Variants in SOX6 observed in about 807,000 individuals in gnomAD.
SOX6 encodes the protein transcription factor SOX-6.
Under a neutral mutation model 97.8 loss-of-function variants are expected in SOX6, and 11 were observed. That is an observed-to-expected ratio of 0.11 (90% CI 0.07 to 0.19). The LOEUF (loss-of-function observed/expected upper bound fraction) is 0.19. Among genes scored for constraint, SOX6 ranks in the 10% least tolerant of loss-of-function variants. The probability of loss-of-function intolerance (pLI) is 1.00; values close to 1 mark genes in which losing one functional copy is unlikely to be tolerated. For missense variants in SOX6, 810 were observed against 1,039.5 expected (o/e 0.78, Z 3.04); for synonymous variants, 360 against 371.4 (o/e 0.97, Z 0.35).
chr11:16,153,502 A>G (rs929049951), intron 6 of SOX6, among the ~76,000 whole-genome samples: 1 of 152,162 alleles, frequency 6.6e-6, no homozygotes, highest in African/African-American at 2.4e-5. Context: ...TTAGACAAAT[A>G]AATAAAAGAT....
chr11:16,326,289 T>C (rs1317192046), intron 2 of SOX6, among the ~76,000 whole-genome samples: 1 of 152,092 alleles, frequency 6.6e-6, no homozygotes, highest in African/African-American at 2.4e-5. Context: ...TCCAGACCCT[T>C]CATCATCCTC....
intron 4 of SOX6, among the ~76,000 whole-genome samples, chr11:16,600,348 G>A (rs1013789200): frequency 2.0e-5 from 3 of 152,144 alleles, no homozygotes; most frequent in Non-Finnish European, 4.4e-5. Context: ...TTTTTACTAA[G>A]CATGGTATCA....
At chr11:16,597,084 C>T (rs962934359) in intron 4 of SOX6, among the ~76,000 whole-genome samples, 1 of 152,078 alleles carries the variant, frequency 6.6e-6, no homozygotes, top group Non-Finnish European at 1.5e-5. Context: ...AACATTGATT[C>T]ACATCAAGTA....
chr11:16,259,069 T>C (rs949013617), intron 3 of SOX6, among the ~76,000 whole-genome samples: 4 of 151,874 alleles, frequency 2.6e-5, no homozygotes, highest in African/African-American at 9.7e-5. Flanking sequence ...TGGTTGTATA[T>C]ATAGAAATAA....
At chr11:16,710,966 C>A (rs1254803518) in intron 3 of SOX6, among the ~76,000 whole-genome samples, 1 of 152,186 alleles carries the variant, frequency 6.6e-6, no homozygotes, top group African/African-American at 2.4e-5. Flanking sequence ...GTTGTTCAAG[C>A]CAGAAACCTA....
At chr11:16,153,727 A>T (rs1850521645) in intron 6 of SOX6, among the ~76,000 whole-genome samples, 2 of 152,174 alleles carry the variant, frequency 1.3e-5, no homozygotes, top group African/African-American at 4.8e-5. Context: ...TTCTGCCGAA[A>T]TGCCCACAGA....
chr11:16,564,403 C>G (rs1474199300), intron 4 of SOX6, among the ~76,000 whole-genome samples: 1 of 152,030 alleles, frequency 6.6e-6, no homozygotes, highest in Non-Finnish European at 1.5e-5. Context: ...TTCCAGTAGT[C>G]AAAGATTGAT....
chr11:16,423,483 T>C (rs942057425), intron 1 of SOX6, among the ~76,000 whole-genome samples: 23 of 152,204 alleles, frequency 1.5e-4, no homozygotes, highest in African/African-American at 5.3e-4. Flanking sequence ...TCTAGAATAG[T>C]GCTTTATGTG....
At chr11:16,041,860 T>C (rs1855678131) in intron 12 of SOX6, among the ~76,000 whole-genome samples, 1 of 152,166 alleles carries the variant, frequency 6.6e-6, no homozygotes, top group Non-Finnish European at 1.5e-5. Flanking sequence ...TGTTAGAATC[T>C]AACTAGCCTT....
At chr11:16,460,014 C>G (rs555262581) in intron 1 of SOX6, among the ~76,000 whole-genome samples, 1 of 151,710 alleles carries the variant, frequency 6.6e-6, no homozygotes, top group African/African-American at 2.4e-5. Context: ...CACCAAAGCA[C>G]ATGATAATCA....
At chr11:16,615,420 A>G (rs1848459662) in intron 3 of SOX6, among the ~76,000 whole-genome samples, 1 of 152,228 alleles carries the variant, frequency 6.6e-6, no homozygotes, top group African/African-American at 2.4e-5. Context: ...ACTGGCAGAA[A>G]CTAAGCCAGG....
At chr11:16,558,018 C>T (rs1180753977) in intron 4 of SOX6, among the ~76,000 whole-genome samples, 1 of 151,890 alleles carries the variant, frequency 6.6e-6, no homozygotes, top group East Asian at 1.9e-4. Flanking sequence ...ATTAGCCAAA[C>T]ATCTAAAATA....
chr11:15,982,375 G>T (rs1255009332), intron 15 of SOX6, among the ~76,000 whole-genome samples: 1 of 151,976 alleles, frequency 6.6e-6, no homozygotes, highest in Non-Finnish European at 1.5e-5. Flanking sequence ...ACTCAGCAGA[G>T]TACACAGCAC....
intron 15 of SOX6, among the ~76,000 whole-genome samples, chr11:15,984,183 T>C (rs1296138876): frequency 6.6e-6 from 1 of 152,208 alleles, no homozygotes; most frequent in Non-Finnish European, 1.5e-5. Context: ...ATAGATGTTA[T>C]TAAATTGTTT....
chr11:16,128,765 G>A (rs753629498), intron 6 of SOX6, among the ~76,000 whole-genome samples: 1 of 152,154 alleles, frequency 6.6e-6, no homozygotes, highest in Non-Finnish European at 1.5e-5. Context: ...TAGGGATAGT[G>A]TGACTTGCCG....
chr11:16,350,633 G>A (rs1241198088), intron 1 of SOX6, among the ~76,000 whole-genome samples: 1 of 152,028 alleles, frequency 6.6e-6, no homozygotes, highest in Admixed American at 6.6e-5. Flanking sequence ...AAAATAAAAA[G>A]TATCAACGAG....
intron 1 of SOX6, among the ~76,000 whole-genome samples, chr11:16,427,243 T>C (rs949782277): frequency 1.3e-5 from 2 of 151,086 alleles, no homozygotes; most frequent in Non-Finnish European, 2.9e-5. Context: ...AGATCTAATA[T>C]CCAGCATCCA....
intron 12 of SOX6, among the ~76,000 whole-genome samples, chr11:16,041,025 G>A (rs1303105991): frequency 6.6e-6 from 1 of 151,978 alleles, no homozygotes; most frequent in East Asian, 1.9e-4. Flanking sequence ...TCTCTAATGT[G>A]CCCTGCATTC....
intron 15 of SOX6, among the ~76,000 whole-genome samples, chr11:15,973,952 G>C (rs972965820): frequency 1.3e-5 from 2 of 152,202 alleles, no homozygotes; most frequent in African/African-American, 4.8e-5. Flanking sequence ...AGGGAGACAT[G>C]ATTACTGTCT....
Sources: gnomAD v4.1 joint callset for allele counts (sites outside exome capture counted in the v4.1 genomes callset) on GRCh38, gnomAD v4.1.1 for gene constraint, MANE v1.5 for transcripts, NCBI Gene and HGNC (gene_info 2026-07-23, HGNC 2026-07-21) for gene names.